SLF1: variants seen among roughly 807,000 people sequenced by gnomAD.
The protein encoded by SLF1 is SMC5/6 complex localization factor 1.
SLF1 carries 105 observed loss-of-function variants against 123.0 expected under a neutral mutation model. The ratio of observed to expected loss-of-function variants is 0.85; its 90% CI spans 0.73 to 1.00. The LOEUF is 1.00. Among genes scored for constraint, SLF1 ranks in the 50% least tolerant of loss-of-function variants. The pLI is 0.00. For synonymous variants in SLF1, 434 were observed against 406.6 expected, an observed-to-expected ratio of 1.07 and a Z score of -0.81; for missense variants, 1,239 against 1,223.0, an observed-to-expected ratio of 1.01 and a Z score of -0.20.
intron 14 of SLF1, among the ~76,000 whole-genome samples, chr5:94,672,997 T>C (rs925062903): frequency 5.3e-5 from 8 of 152,236 alleles, no homozygotes; most frequent in African/African-American, 1.7e-4. Context: ...AGGACTATTC[T>C]AATCCAATGT....
intron 9 of SLF1, among the ~76,000 whole-genome samples, chr5:94,660,204 C>T (rs529750115): frequency 2.0e-5 from 3 of 152,176 alleles, no homozygotes; most frequent in South Asian, 2.1e-4. Flanking sequence ...GGGTTGATCC[C>T]GATGTTCCTG....
rs1372153761 is a variant in SLF1, at chr5:94,695,648, G to A, written c.*336G>A. 6.4e-6 allele frequency: 1 copy of A among 155,700 alleles called. No individual in the cohort carries two copies. The highest frequency in any genetic ancestry group is 1.4e-5 in the Non-Finnish European group (1 of 70,578). 9.6% of individuals were successfully genotyped at this position (155,700 alleles called of 1,614,324 possible). A position where few individuals can be genotyped will look rare whatever the true frequency, so the allele number is the denominator to read the frequency against. On this transcript the variant is annotated 3_prime_UTR_variant, in exon 21 of 21. Transcript: ENST00000265140. ...TTTTCAAATAAAAATGTAATGTCCT[G>A]TATTCTAGATGTTCTAGGTCTTAGA...
chr5:94,641,487 T>G (rs1746444534), intron 4 of SLF1, among the ~76,000 whole-genome samples: 1 of 152,208 alleles, frequency 6.6e-6, no homozygotes, highest in South Asian at 2.1e-4. Context: ...GACAGCTGAA[T>G]TTGAGTATTG....
At chr5:94,656,488 G>C (rs1013240712) in intron 9 of SLF1, among the ~76,000 whole-genome samples, 3 of 151,934 alleles carry the variant, frequency 2.0e-5, no homozygotes, top group Non-Finnish European at 4.4e-5. Flanking sequence ...TTGGTATCAG[G>C]GTAATGGTGG....
At chr5:94,651,570 CTATTTAACCTTGTATGTA>C (rs1747727906) in intron 6 of SLF1, 114 bp from the exon 7 acceptor site, 1 of 577,180 alleles carries the variant, frequency 1.7e-6, no homozygotes, top group African/African-American at 2.0e-5. Context: ...GTTCTTTACT[CTATTTAACCTTGTATGTA>C]TATTTTACAA....
intron 4 of SLF1, among the ~76,000 whole-genome samples, chr5:94,637,708 T>C (rs1745975059): frequency 6.6e-6 from 1 of 152,060 alleles, no homozygotes; most frequent in South Asian, 2.1e-4. Context: ...TTTAATGAAG[T>C]ACACTGTGGT....
chr5:94,665,790 T>C, intron 11 of SLF1, 71 bp from the exon 12 acceptor site: 1 of 1,354,762 alleles, frequency 7.4e-7, no homozygotes, highest in Admixed American at 2.2e-5. Flanking sequence ...GTTTTGGTTT[T>C]AGACTGAATT....
intron 14 of SLF1, among the ~76,000 whole-genome samples, chr5:94,671,841 C>T (rs1406978697): frequency 6.6e-6 from 1 of 151,520 alleles, no homozygotes; most frequent in African/African-American, 2.4e-5. Context: ...TTTGATTTCC[C>T]TCTTTGATCC....
At chr5:94,643,221 T>C in intron 4 of SLF1, 52 bp from the exon 5 acceptor site, 1 of 1,355,750 alleles carries the variant, frequency 7.4e-7, no homozygotes, top group South Asian at 1.4e-5. Context: ...ATAATTTGAC[T>C]AAAGAAACTC....
chr5:94,632,215 G>T (rs976225127), intron 4 of SLF1, among the ~76,000 whole-genome samples: 7 of 152,032 alleles, frequency 4.6e-5, no homozygotes, highest in Non-Finnish European at 8.8e-5. Flanking sequence ...TGTATGTGTG[G>T]TCTATTTCTG....
chr5:94,631,469 A>T (rs955080754), intron 4 of SLF1, among the ~76,000 whole-genome samples: 8 of 152,152 alleles, frequency 5.3e-5, no homozygotes, highest in African/African-American at 1.7e-4. Flanking sequence ...TATAGACTAG[A>T]TGTATACTTT....
intron 15 of SLF1, among the ~76,000 whole-genome samples, chr5:94,680,246 C>T (rs1430051276): frequency 1.3e-5 from 2 of 152,104 alleles, no homozygotes; most frequent in Non-Finnish European, 2.9e-5. Flanking sequence ...AGAGAGTTCT[C>T]TTTTTATACT....
rs142820533 is a variant in SLF1 at position 94,670,314 on chromosome 5, A to G, written c.1661+35A>G. The G allele has an allele frequency of 5.4e-4, 762 of 1,412,102 alleles. 4 individuals carry two copies. The African/African-American group carries it at 9.8e-3, about 18-fold the overall frequency. The allele number at this position is 1,412,102 out of a possible 1,614,324, so 87.5% of individuals were successfully genotyped here. A position where few individuals can be genotyped will look rare whatever the true frequency, so the allele number is the denominator to read the frequency against. ...AATCGCAAGAATAACACTTTTCTAA[A>G]TTTTGGTTGTTTTTATGCACCATTT... is the stretch of plus-strand genomic sequence containing the variant. On this transcript the variant is annotated intron_variant, in intron 13 of 20. Transcript: ENST00000265140.
rs1018713484 is a variant in SLF1, at chr5:94,697,444, G to T, written c.*2132G>T. On this transcript the variant is annotated 3_prime_UTR_variant, in exon 21 of 21. Transcript: ENST00000265140. The stretch of plus-strand genomic sequence containing the variant: ...AGTATAATTCATAGTCTTAGTCCTA[G>T]ATTTTCAATGGCAGACTTTTCAAAG... The T allele has an allele frequency of 6.6e-6, 1 of 151,880 alleles. No homozygotes were observed. The highest frequency in any genetic ancestry group is 2.4e-5 in the African/African-American group (1 of 41,386). 9.4% of individuals were successfully genotyped at this position (151,880 alleles called of 1,614,324 possible).
chr5:94,642,668 G>A (rs1259331552), intron 4 of SLF1, among the ~76,000 whole-genome samples: 2 of 152,150 alleles, frequency 1.3e-5, no homozygotes, highest in Admixed American at 6.6e-5. Context: ...AGCCTAAGCA[G>A]AAGCAGAACT....
intron 12 of SLF1, among the ~76,000 whole-genome samples, chr5:94,666,859 G>A (rs1749815984): frequency 6.6e-6 from 1 of 151,626 alleles, no homozygotes; most frequent in Non-Finnish European, 1.5e-5. Context: ...TGGCCAGGCT[G>A]GTCTCGAATT....
chr5:94,652,465 A>G (rs1467031690), intron 7 of SLF1, among the ~76,000 whole-genome samples: 1 of 152,194 alleles, frequency 6.6e-6, no homozygotes, highest in Non-Finnish European at 1.5e-5. Context: ...CTATTCATGA[A>G]CATTTTATAG....
At chr5:94,673,784 GT>G (rs974139695) in intron 14 of SLF1, among the ~76,000 whole-genome samples, 1 of 148,060 alleles carries the variant, frequency 6.8e-6, no homozygotes, top group Non-Finnish European at 1.5e-5. Context: ...AATACTGTTT[GT>G]TTAGTTGTCT....
chr5:94,665,824 A>C, intron 11 of SLF1, 37 bp from the exon 12 acceptor site: 2 of 1,488,666 alleles, frequency 1.3e-6, no homozygotes, highest in Non-Finnish European at 1.8e-6. Flanking sequence ...ACTTTTAGCT[A>C]TAGTGTTTTA....
Sources: gnomAD v4.1 joint callset for allele counts (sites outside exome capture counted in the v4.1 genomes callset) on GRCh38, gnomAD v4.1.1 for gene constraint, MANE v1.5 for transcripts, NCBI Gene and HGNC (gene_info 2026-07-23, HGNC 2026-07-21) for gene names.